TRPS1: variants seen among roughly 807,000 people sequenced by gnomAD.
TRPS1 encodes zinc finger transcription factor Trps1.
In TRPS1, 6 loss-of-function variants were observed where a neutral mutation model predicts 101.2. That is an observed-to-expected ratio of 0.06 (90% CI 0.03 to 0.12). The LOEUF (loss-of-function observed/expected upper bound fraction) is 0.12, where lower values mean the gene tolerates loss of function less well. Ranked by LOEUF, TRPS1 falls within the 10% of genes least tolerant of loss-of-function variation. The probability of loss-of-function intolerance (pLI) is 1.00; values close to 1 mark genes in which losing one functional copy is unlikely to be tolerated. For missense variants in TRPS1, 1,363 were observed against 1,567.0 expected (o/e 0.87, Z 2.20); for synonymous variants, 578 against 589.8 (o/e 0.98, Z 0.29).
intron 3 of TRPS1, among the ~76,000 whole-genome samples, chr8:115,605,670 CAA>C (rs964675986): frequency 2.0e-5 from 3 of 150,174 alleles, no homozygotes; most frequent in Non-Finnish European, 4.4e-5. Context: ...CTAGAACAAA[CAA>C]AAAAAAAGAA....
At chr8:115,543,313 T>C (rs1258102641) in intron 5 of TRPS1, among the ~76,000 whole-genome samples, 3 of 152,198 alleles carry the variant, frequency 2.0e-5, no homozygotes, top group African/African-American at 4.8e-5. Context: ...TCTGTTGCTA[T>C]TGCTATTGGG....
intron 5 of TRPS1, among the ~76,000 whole-genome samples, chr8:115,419,307 TAAAC>T (rs1295643173): frequency 1.3e-5 from 2 of 151,698 alleles, no homozygotes; most frequent in Non-Finnish European, 2.9e-5. Context: ...ACTTCTCACT[TAAAC>T]AAAAGTCAGG....
intron 1 of TRPS1, among the ~76,000 whole-genome samples, chr8:115,636,530 C>A (rs765890055): frequency 1.2e-4 from 19 of 152,190 alleles, no homozygotes; most frequent in Non-Finnish European, 2.2e-4. Context: ...AAACAAGGCT[C>A]ACATTAAACA....
rs376020877 is a variant in TRPS1 at position 115,469,140 on chromosome 8, CAAAACA to C, written c.2701-50694_2701-50689del. 1.1e-3 allele frequency among the ~76,000 whole-genome samples: 174 copies of C among 152,130 alleles called. 2 individuals carry two copies. The highest frequency in any genetic ancestry group is 3.9e-3 in the African/African-American group (162 of 41,510). On this transcript the variant is annotated intron_variant, in intron 5 of 6. Transcript: ENST00000395715. Reference sequence around the variant, plus strand: ...TGGGTGACAGAGTAAGACCCTGTCTCAAAACAAAAACAAAAACAAAAACATACACAC... The same window carrying C: ...TGGGTGACAGAGTAAGACCCTGTCTCAAAACAAAAACAAAAACATACACAC...
chr8:115,423,129 C>T, intron 5 of TRPS1, among the ~76,000 whole-genome samples: 1 of 152,166 alleles, frequency 6.6e-6, no homozygotes, highest in Non-Finnish European at 1.5e-5. Context: ...GGAGGATTGG[C>T]TGAAAACCCA....
intron 5 of TRPS1, among the ~76,000 whole-genome samples, chr8:115,567,132 G>T (rs1469495825): frequency 3.1e-5 from 3 of 96,718 alleles, no homozygotes; most frequent in Non-Finnish European, 5.6e-5. Flanking sequence ...TAGGCCTCAG[G>T]TATATCCAAG....
chr8:115,461,267 A>T (rs1241004884), intron 5 of TRPS1, among the ~76,000 whole-genome samples: 5 of 85,758 alleles, frequency 5.8e-5, no homozygotes, highest in African/African-American at 1.5e-4. Flanking sequence ...ATAGATAGAT[A>T]GATAGATAGA....
chr8:115,414,004 TGTGCTAA>T lies in TRPS1; in HGVS notation c.*12_*18del. ...TCAAGAAAACCTATTTCTATTTAATTGTGCTAAGTGCTAAGGTTTTACTCTTTAGGTT... is the reference window on the plus strand; with the variant it reads ...TCAAGAAAACCTATTTCTATTTAATTGTGCTAAGGTTTTACTCTTTAGGTT... On this transcript the variant is annotated 3_prime_UTR_variant, in exon 7 of 7. Transcript: ENST00000395715. This position sits in a 1 kb window ranked among gnomAD's most constrained non-coding sequence, Gnocchi z 4.8. The T allele has an allele frequency of 6.2e-7, 1 of 1,609,498 alleles. No individual in the cohort carries two copies. The highest frequency in any genetic ancestry group is 1.1e-5 in the South Asian group (1 of 90,424).
At chr8:115,476,266 G>A (rs1301715325) in intron 5 of TRPS1, among the ~76,000 whole-genome samples, 1 of 18,646 alleles carries the variant, frequency 5.4e-5, no homozygotes, top group Non-Finnish European at 7.3e-5. Flanking sequence ...TGATCCGCCC[G>A]CCTCGGCCTC....
chr8:115,445,804 ATTG>A (rs1258240021), intron 5 of TRPS1, among the ~76,000 whole-genome samples: 1 of 152,206 alleles, frequency 6.6e-6, no homozygotes, highest in Non-Finnish European at 1.5e-5. Flanking sequence ...GTAATACCTT[ATTG>A]TTGTACTGTC....
intron 5 of TRPS1, among the ~76,000 whole-genome samples, chr8:115,535,524 C>CATATATAGCGCAT (rs1341412043): frequency 6.8e-6 from 1 of 147,752 alleles, no homozygotes; most frequent in Non-Finnish European, 1.5e-5. Flanking sequence ...ATATATAGCG[C>CATATATAGCGCAT]ATATATAGCG....
At chr8:115,581,021 G>T (rs1399004608) in intron 5 of TRPS1, among the ~76,000 whole-genome samples, 1 of 151,934 alleles carries the variant, frequency 6.6e-6, no homozygotes, top group Admixed American at 6.6e-5. Context: ...ACAGATAAAT[G>T]AATAAACAAA....
At chr8:115,557,443 C>T (rs6994990) in intron 5 of TRPS1, among the ~76,000 whole-genome samples, 6,480 of 152,160 alleles carry the variant, frequency 0.043, 455 homozygotes, top group African/African-American at 0.15. Flanking sequence ...GTCCCATAAT[C>T]CCCACATGTC....
intron 3 of TRPS1, among the ~76,000 whole-genome samples, chr8:115,613,197 C>A (rs148612663): frequency 3.3e-5 from 5 of 152,272 alleles, no homozygotes; most frequent in African/African-American, 1.2e-4. Context: ...AAAATTTGCA[C>A]CTTATTCGCT....
chr8:115,553,280 A>G (rs1816744143), intron 5 of TRPS1, among the ~76,000 whole-genome samples: 1 of 152,064 alleles, frequency 6.6e-6, no homozygotes, highest in Admixed American at 6.6e-5. Context: ...GGAATCTTGC[A>G]TATTTCAACT....
At chr8:115,504,828 A>G (rs989778096) in intron 5 of TRPS1, among the ~76,000 whole-genome samples, 1 of 152,178 alleles carries the variant, frequency 6.6e-6, no homozygotes, top group African/African-American at 2.4e-5. Context: ...AAATATATTA[A>G]GATTATGTCA....
chr8:115,485,607 A>G (rs539157294), intron 5 of TRPS1, among the ~76,000 whole-genome samples: 4 of 152,204 alleles, frequency 2.6e-5, no homozygotes, highest in Non-Finnish European at 5.9e-5. Flanking sequence ...TTGCCTATAT[A>G]TATCATCAAT....
chr8:115,552,883 G>A (rs549659187), intron 5 of TRPS1, among the ~76,000 whole-genome samples: 2 of 151,236 alleles, frequency 1.3e-5, no homozygotes, highest in Non-Finnish European at 2.9e-5. Flanking sequence ...CTTTAATCCT[G>A]GCAATATCCA....
intron 5 of TRPS1, among the ~76,000 whole-genome samples, chr8:115,498,534 G>T (rs1815224423): frequency 6.7e-6 from 1 of 149,864 alleles, no homozygotes; most frequent in Non-Finnish European, 1.5e-5. Flanking sequence ...TTTAATCTTG[G>T]AGAGTAACTT....
Sources: allele counts gnomAD v4.1 joint callset (sites outside exome capture counted in the v4.1 genomes callset), GRCh38; gene constraint gnomAD v4.1.1; non-coding constraint Gnocchi (gnomAD v3.1); transcripts MANE v1.5; gene names NCBI Gene and HGNC (gene_info 2026-07-23, HGNC 2026-07-21).